The following SLC35B4 variants were observed in gnomAD, a reference collection of about 807,000 sequenced individuals.
SLC35B4 encodes solute carrier family 35 member B4.
Under a neutral mutation model 39.5 loss-of-function variants are expected in SLC35B4, and 28 were observed. The ratio of observed to expected loss-of-function variants is 0.71; its 90% CI spans 0.53 to 0.97. The LOEUF is 0.97. SLC35B4 is among the 50% of genes least tolerant of loss of function. The pLI is 0.00. For missense variants in SLC35B4, 334 were observed against 414.3 expected (o/e 0.81, Z 1.68); for synonymous variants, 145 against 150.4 (o/e 0.96, Z 0.26).
chr7:134,301,226 A>G (rs1803572969), intron 6 of SLC35B4, among the ~76,000 whole-genome samples: 1 of 152,184 alleles, frequency 6.6e-6, no homozygotes, highest in South Asian at 2.1e-4. Context: ...CATATCAAAA[A>G]ATGTGAGAAC....
At chr7:134,297,388 G>A (rs1182665798) in intron 8 of SLC35B4, among the ~76,000 whole-genome samples, 7 of 152,072 alleles carry the variant, frequency 4.6e-5, no homozygotes, top group African/African-American at 1.7e-4. Context: ...ATTAATCCTA[G>A]TTTAATTCAA....
At position 134,311,027 on chromosome 7, in the gene SLC35B4, A is replaced by T. The variant is rs550641128; in HGVS notation, c.78-1548T>A. Among the ~76,000 whole-genome samples, 7 of 152,356 alleles carry T rather than the reference A, an allele frequency of 4.6e-5. No individual in the cohort carries two copies. The East Asian group carries it at 1.2e-3, about 25-fold the overall frequency. Reference sequence around the variant, plus strand: ...AAATATACCCATTAGGCACAAAAATAAGACAATACAGGCATGAGCCATTCT... The same window carrying T: ...AAATATACCCATTAGGCACAAAAATTAGACAATACAGGCATGAGCCATTCT... On this transcript the variant is annotated intron_variant, in intron 1 of 9. Transcript: ENST00000378509.
rs781389247 is a variant in SLC35B4, at chr7:134,316,706, T to C, written c.46A>G (p.Ser16Gly). 63 of 1,550,426 alleles carry C rather than the reference T, an allele frequency of 4.1e-5. 1 individual carries two copies. In the East Asian group the frequency reaches 7.1e-4, roughly 17 times the overall value. Residue 16 changes from serine to glycine, a missense_variant, in exon 1 of 10, where the codon AGT becomes GGT. Ser to Gly is a moderately conservative substitution (Grantham distance 56). Coordinates refer to ENST00000378509, the MANE Select transcript of SLC35B4 (RefSeq NM_032826.5). ...AGGAGCTCTAGGAAGATCACGTTAC[T>C]GCAGCAGCCTGCGAACACCAGGCCC... ...AVGLVFAGCC[S>G]NVIFLELLAR...
rs1209683876 is a variant in SLC35B4, at chr7:134,289,814, T to C, written c.*5019A>G. 1 of 152,222 alleles carries C rather than the reference T, an allele frequency of 6.6e-6. No homozygotes were observed. Among genetic ancestry groups the C allele is most frequent in the East Asian group, 1.9e-4 (1 of 5,198 alleles). The allele number at this position is 152,222 out of a possible 1,614,324, so 9.4% of individuals were successfully genotyped here. On this transcript the variant is annotated 3_prime_UTR_variant, in exon 10 of 10. Transcript: ENST00000378509. ...CAGTAAGTCAATGTGCCAAAGAAAT[T>C]ATTACAACTTCTTTCTTAGAAAGTA...
At chr7:134,308,727 C>CT (rs1414645369) in intron 2 of SLC35B4, among the ~76,000 whole-genome samples, 1 of 152,172 alleles carries the variant, frequency 6.6e-6, no homozygotes, top group Non-Finnish European at 1.5e-5. Flanking sequence ...TCAAGTCACT[C>CT]TCAGCAAGAA....
At position 134,294,786 on chromosome 7, in the gene SLC35B4, G is replaced by C; in HGVS notation, c.*47C>G. ...GCGAAACGGTGGTCAGACCTTCACA[G>C]GGTCCCACCCTCACGACGACACTGG... On this transcript the variant is annotated 3_prime_UTR_variant, in exon 10 of 10. Transcript: ENST00000378509. The C allele has an allele frequency of 6.3e-7, 1 of 1,599,750 alleles. No homozygotes were observed. The highest frequency in any genetic ancestry group is 8.5e-7 in the Non-Finnish European group (1 of 1,170,676).
chr7:134,319,549 T>C (rs1274585707), upstream of SLC35B4, among the ~76,000 whole-genome samples: 1 of 152,218 alleles, frequency 6.6e-6, no homozygotes. Context: ...ACATGTTCTC[T>C]TGGCGATTTC....
intron 2 of SLC35B4, among the ~76,000 whole-genome samples, 175 bp from the exon 3 acceptor site, chr7:134,306,949 G>A (rs1439237741): frequency 1.3e-5 from 2 of 152,168 alleles, no homozygotes; most frequent in African/African-American, 4.8e-5. Flanking sequence ...GCTTCACAAA[G>A]CCAGACTAAC....
At position 134,309,368 on chromosome 7, in the gene SLC35B4, T is replaced by C; in HGVS notation, c.189A>G (p.Ile63Met). ...AAAGAGACTCTAATGTACCATACCT[T>C]ATTGGGATAGCTGGTGGCTTCCTTC... The part of the protein sequence containing the change: ...DLGRKPPAIP[I>M]RYYAIMVTMF... Residue 63 changes from isoleucine to methionine, a missense_variant and splice_region_variant, in exon 2 of 10, where the codon ATA becomes ATG. Ile to Met is a conservative substitution (Grantham distance 10). Coordinates refer to ENST00000378509, the MANE Select transcript of SLC35B4 (RefSeq NM_032826.5). The C allele has an allele frequency of 8.1e-6, 13 of 1,601,380 alleles. No homozygotes were observed. Among genetic ancestry groups the C allele is most frequent in the Non-Finnish European group, 1.1e-5 (13 of 1,172,900 alleles).
At chr7:134,316,649 G>C (rs1803988899) in intron 1 of SLC35B4, 26 bp downstream of exon 1, 3 of 1,548,120 alleles carry the variant, frequency 1.9e-6, no homozygotes, top group African/African-American at 1.4e-5. Flanking sequence ...CCGGGAGACC[G>C]GGTGCGGCCC....
At chr7:134,316,454 G>A (rs920165159) in intron 1 of SLC35B4, among the ~76,000 whole-genome samples, 1 of 152,248 alleles carries the variant, frequency 6.6e-6, no homozygotes, top group African/African-American at 2.4e-5. Flanking sequence ...GAAACTGTTA[G>A]GCGGGACTGC....
At chr7:134,317,028 C>A (rs938954688), upstream of SLC35B4, 7 of 425,840 alleles carry the variant, frequency 1.6e-5, no homozygotes, top group African/African-American at 1.4e-4. Context: ...ACCTTTACCT[C>A]AGGATGCGAC....
chr7:134,306,394 G>A (rs1225264543), intron 3 of SLC35B4, among the ~76,000 whole-genome samples: 1 of 152,134 alleles, frequency 6.6e-6, no homozygotes, highest in Non-Finnish European at 1.5e-5. Context: ...TCAAAGAGAT[G>A]AGGGAAAATG....
chr7:134,301,963 T>C (rs748383224), intron 5 of SLC35B4, 66 bp downstream of exon 5: 5 of 1,549,110 alleles, frequency 3.2e-6, no homozygotes, highest in East Asian at 4.5e-5. Context: ...TTGAATTGTA[T>C]TAATTGCCTG....
At chr7:134,298,213 TC>T (rs1224114416) in intron 8 of SLC35B4, among the ~76,000 whole-genome samples, 1 of 152,218 alleles carries the variant, frequency 6.6e-6, no homozygotes, top group African/African-American at 2.4e-5. Flanking sequence ...AATCTGGTAT[TC>T]TATTATCTTT....
At chr7:134,303,081 G>A (rs1306615556) in intron 4 of SLC35B4, among the ~76,000 whole-genome samples, 1 of 152,166 alleles carries the variant, frequency 6.6e-6, no homozygotes, top group Non-Finnish European at 1.5e-5. Context: ...CCTGGAATGA[G>A]GAGCACACTA....
At chr7:134,319,802 G>A (rs554201395), upstream of SLC35B4, among the ~76,000 whole-genome samples, 1 of 152,098 alleles carries the variant, frequency 6.6e-6, no homozygotes, top group African/African-American at 2.4e-5. Context: ...AAACCTGAAA[G>A]TTTTCGGTCT....
intron 8 of SLC35B4, among the ~76,000 whole-genome samples, chr7:134,297,898 C>T (rs1362120855): frequency 6.6e-6 from 1 of 152,194 alleles, no homozygotes; most frequent in Non-Finnish European, 1.5e-5. Context: ...CATACACACA[C>T]ACACTCTCAC....
chr7:134,290,748 G>GT lies in SLC35B4; in HGVS notation c.*4084dup, dbSNP rs1454241015. On this transcript the variant is annotated 3_prime_UTR_variant, in exon 10 of 10. Coordinates refer to ENST00000378509, the MANE Select transcript of SLC35B4 (RefSeq NM_032826.5). ...CAACCTTAAGAGTGAACTGCTACAG[G>GT]TAAGATTCAATCACATTTTTCAGGA... 1 of 152,170 alleles carries GT rather than the reference G, an allele frequency of 6.6e-6. No individual in the cohort carries two copies. The highest frequency in any genetic ancestry group is 1.5e-5 in the Non-Finnish European group (1 of 68,026). 9.4% of individuals were successfully genotyped at this position (152,170 alleles called of 1,614,324 possible).
Sources: allele counts gnomAD v4.1 joint callset (sites outside exome capture counted in the v4.1 genomes callset), GRCh38; gene constraint gnomAD v4.1.1; transcripts MANE v1.5; gene names NCBI Gene and HGNC (gene_info 2026-07-23, HGNC 2026-07-21).